ELMO1: variants seen among roughly 807,000 people sequenced by gnomAD.
The protein encoded by ELMO1 is engulfment and cell motility protein 1.
Under a neutral mutation model 98.9 loss-of-function variants are expected in ELMO1, and 26 were observed. The observed-to-expected ratio is 0.26, with a 90% CI of 0.19 to 0.36. The LOEUF (loss-of-function observed/expected upper bound fraction) is 0.36. Among genes scored for constraint, ELMO1 ranks in the 10% least tolerant of loss-of-function variants. ELMO1 has a pLI of 1.00. For synonymous variants in ELMO1, 346 were observed against 346.0 expected, an observed-to-expected ratio of 1.00 and a Z score of 0.00; for missense variants, 627 against 935.2, an observed-to-expected ratio of 0.67 and a Z score of 4.30.
At chr7:37,221,257 G>GA (rs1793578980) in intron 10 of ELMO1, among the ~76,000 whole-genome samples, 1 of 152,160 alleles carries the variant, frequency 6.6e-6, no homozygotes, top group African/African-American at 2.4e-5. Flanking sequence ...ATTCTAAATG[G>GA]AAAACAAACC....
chr7:37,008,781 C>A (rs2129169350), intron 16 of ELMO1, among the ~76,000 whole-genome samples: 2 of 152,288 alleles, frequency 1.3e-5, no homozygotes, highest in Admixed American at 1.3e-4. Flanking sequence ...CATCCTACTC[C>A]ATCAATGCAC....
chr7:36,871,571 G>A (rs1241145755), intron 19 of ELMO1, among the ~76,000 whole-genome samples: 1 of 152,206 alleles, frequency 6.6e-6, no homozygotes, highest in African/African-American at 2.4e-5. Context: ...AATTTGGGAT[G>A]TGTGAGAATG....
intron 16 of ELMO1, among the ~76,000 whole-genome samples, chr7:37,004,041 T>C (rs1015247211): frequency 6.6e-6 from 1 of 151,444 alleles, no homozygotes; most frequent in African/African-American, 2.4e-5. Flanking sequence ...TGTAACATCA[T>C]TTACTTTGCA....
intron 10 of ELMO1, among the ~76,000 whole-genome samples, chr7:37,218,799 T>C (rs1793435829): frequency 6.6e-6 from 1 of 152,238 alleles, no homozygotes; most frequent in South Asian, 2.1e-4. Flanking sequence ...ACAAGAGTTG[T>C]AAATAATTGC....
chr7:37,357,621 CACTA>C (rs1801542335), intron 1 of ELMO1, among the ~76,000 whole-genome samples: 2 of 152,246 alleles, frequency 1.3e-5, no homozygotes, highest in African/African-American at 4.8e-5. Flanking sequence ...AACCTACCCT[CACTA>C]GTAAGACAAA....
chr7:37,302,688 G>A (rs1798409764), intron 4 of ELMO1, among the ~76,000 whole-genome samples: 1 of 152,050 alleles, frequency 6.6e-6, no homozygotes, highest in South Asian at 2.1e-4. Context: ...ATCATGGATG[G>A]GAAGATGTCA....
At position 37,028,264 on chromosome 7, in the gene ELMO1, T is replaced by C. The variant is rs141471558; in HGVS notation, c.1301-14829A>G. Among the ~76,000 whole-genome samples, 1,396 of 152,292 alleles carry C rather than the reference T, an allele frequency of 9.2e-3. 7 individuals are homozygous for C. Among genetic ancestry groups the C allele is most frequent in the Middle Eastern group, 0.014 (4 of 294 alleles). On this transcript the variant is annotated intron_variant, in intron 15 of 21. Coordinates refer to ENST00000310758, the MANE Select transcript of ELMO1 (RefSeq NM_014800.11). ...CTCACTGGAGAAGTATTTCCTTTCATGGACAATTTTTAAGGCAGAAAGTTA... is the reference window on the plus strand; with the variant it reads ...CTCACTGGAGAAGTATTTCCTTTCACGGACAATTTTTAAGGCAGAAAGTTA...
At chr7:37,067,692 T>A (rs536301136) in intron 15 of ELMO1, among the ~76,000 whole-genome samples, 1 of 152,178 alleles carries the variant, frequency 6.6e-6, no homozygotes, top group Admixed American at 6.5e-5. Flanking sequence ...AAACTAGAAA[T>A]AGAAATTGTT....
At chr7:36,938,569 C>A (rs1253243251) in intron 16 of ELMO1, among the ~76,000 whole-genome samples, 1 of 152,178 alleles carries the variant, frequency 6.6e-6, no homozygotes. Flanking sequence ...ATTTAACATG[C>A]ATTTGTATGT....
At chr7:37,085,840 T>C (rs1783738196) in intron 15 of ELMO1, among the ~76,000 whole-genome samples, 1 of 152,226 alleles carries the variant, frequency 6.6e-6, no homozygotes, top group Non-Finnish European at 1.5e-5. Context: ...GTTATATTTG[T>C]GATTTTGTTT....
intron 16 of ELMO1, among the ~76,000 whole-genome samples, chr7:36,932,236 A>G (rs17170791): frequency 0.076 from 11,626 of 152,274 alleles, 569 homozygotes; most frequent in South Asian, 0.16. Flanking sequence ...CATAAGAAGT[A>G]TTAGTTTTCT....
At chr7:37,289,338 C>A (rs1472057391) in intron 4 of ELMO1, among the ~76,000 whole-genome samples, 1 of 152,136 alleles carries the variant, frequency 6.6e-6, no homozygotes, top group African/African-American at 2.4e-5. Context: ...TTCATACCTA[C>A]TATGGGCACA....
intron 8 of ELMO1, among the ~76,000 whole-genome samples, chr7:37,231,314 T>G (rs1794162725): frequency 7.1e-6 from 1 of 141,476 alleles, no homozygotes; most frequent in Non-Finnish European, 1.5e-5. Context: ...ACATCTCCCC[T>G]AAGATAATGA....
intron 6 of ELMO1, among the ~76,000 whole-genome samples, chr7:37,247,959 A>G (rs1028269119): frequency 1.3e-5 from 2 of 148,792 alleles, no homozygotes; most frequent in African/African-American, 5.1e-5. Flanking sequence ...AACTTTTAAA[A>G]TAACTTTCTG....
At position 37,096,962 on chromosome 7, in the gene ELMO1, G is replaced by A. The variant is rs141498354; in HGVS notation, c.1192-235C>T. 5.3e-3 allele frequency among the ~76,000 whole-genome samples: 802 copies of A among 152,194 alleles called. 1 individual carries two copies. Among genetic ancestry groups the A allele is most frequent in the African/African-American group, 0.017 (719 of 41,522 alleles). On this transcript the variant is annotated intron_variant, in intron 14 of 21. Transcript: ENST00000310758. Reference sequence around the variant, plus strand: ...GTAAAAGAGGATATTTTGCTTGTTCGTTCCCATTTACACAGAGAAGCCTGG... The same window carrying A: ...GTAAAAGAGGATATTTTGCTTGTTCATTCCCATTTACACAGAGAAGCCTGG...
intron 4 of ELMO1, among the ~76,000 whole-genome samples, chr7:37,287,254 T>C (rs1249181956): frequency 3.3e-5 from 5 of 152,066 alleles, no homozygotes; most frequent in Non-Finnish European, 7.4e-5. Context: ...AATGCACGTG[T>C]CAGCAATCTT....
At chr7:37,222,724 A>G (rs1358598727) in intron 9 of ELMO1, 31 bp from the exon 10 acceptor site, 1 of 1,603,586 alleles carries the variant, frequency 6.2e-7, no homozygotes, top group Admixed American at 1.7e-5. Context: ...TCAGAAAATC[A>G]GAACACGAAG....
Position 36,855,544 on chromosome 7 carries a change from G to T in ELMO1, c.*7C>A, listed in dbSNP as rs749169817. 4.3e-6 allele frequency: 7 copies of T among 1,613,792 alleles called. No individual in the cohort carries two copies. In the South Asian group the frequency reaches 7.7e-5, roughly 18 times the overall value. On this transcript the variant is annotated 3_prime_UTR_variant, in exon 22 of 22. Transcript: ENST00000310758. The surrounding 1 kb of genome is among the most constrained non-coding windows in gnomAD (Gnocchi z 4.2). ...TTTTGGAAGGGGCATGTCTGGGCCC[G>T]GCCACTTCAGTTACAGTCATAGACG...
At chr7:37,308,812 C>T (rs1215784490) in intron 4 of ELMO1, among the ~76,000 whole-genome samples, 1 of 152,172 alleles carries the variant, frequency 6.6e-6, no homozygotes, top group Non-Finnish European at 1.5e-5. Context: ...CAGTGCTTGC[C>T]AAAGGCTGGG....
Sources: gnomAD v4.1 joint callset for allele counts (sites outside exome capture counted in the v4.1 genomes callset) on GRCh38, gnomAD v4.1.1 for gene constraint, Gnocchi (gnomAD v3.1) non-coding constraint, MANE v1.5 for transcripts, NCBI Gene and HGNC (gene_info 2026-07-23, HGNC 2026-07-21) for gene names.